OXR1: variants seen among roughly 807,000 people sequenced by gnomAD.
OXR1 encodes the protein oxidation resistance protein 1.
OXR1 carries 41 observed loss-of-function variants against 104.6 expected under a neutral mutation model. That is an observed-to-expected ratio of 0.39 (90% CI 0.31 to 0.51). The LOEUF (loss-of-function observed/expected upper bound fraction) is 0.51. Among genes scored for constraint, OXR1 ranks in the 20% least tolerant of loss-of-function variants. OXR1 has a pLI of 0.77. For missense variants in OXR1, 955 were observed against 1,031.9 expected (o/e 0.93, Z 1.02); for synonymous variants, 348 against 348.4 (o/e 1.00, Z 0.01).
intron 2 of OXR1, among the ~76,000 whole-genome samples, chr8:106,484,538 A>T (rs996542577): frequency 6.6e-6 from 1 of 152,092 alleles, no homozygotes; most frequent in Admixed American, 6.6e-5. Flanking sequence ...TAAATAAAAT[A>T]TACAGATGGC....
At chr8:106,479,120 C>T (rs1257864320) in intron 2 of OXR1, among the ~76,000 whole-genome samples, 3 of 151,906 alleles carry the variant, frequency 2.0e-5, no homozygotes, top group Non-Finnish European at 2.9e-5. Context: ...CAATTCCATC[C>T]TAACTAAATA....
intron 2 of OXR1, among the ~76,000 whole-genome samples, chr8:106,363,684 G>T (rs1339672505): frequency 6.6e-6 from 1 of 152,044 alleles, no homozygotes; most frequent in Non-Finnish European, 1.5e-5. Context: ...ACCTATAGAG[G>T]CTGGTGTATC....
chr8:106,473,644 A>G (rs1484549904), intron 2 of OXR1, among the ~76,000 whole-genome samples: 1 of 151,884 alleles, frequency 6.6e-6, no homozygotes, highest in Non-Finnish European at 1.5e-5. Context: ...ATAGGATGAA[A>G]AAACCCACGT....
intron 2 of OXR1, among the ~76,000 whole-genome samples, chr8:106,458,682 C>T (rs1820741849): frequency 6.6e-6 from 1 of 152,014 alleles, no homozygotes; most frequent in South Asian, 2.1e-4. Context: ...TGGACTGAGC[C>T]CAGCAGTCCC....
intron 2 of OXR1, among the ~76,000 whole-genome samples, chr8:106,444,085 G>GA (rs1447859445): frequency 6.6e-6 from 1 of 152,144 alleles, no homozygotes; most frequent in African/African-American, 2.4e-5. Flanking sequence ...ACAAACGTAT[G>GA]AAAAAAAGCT....
intron 2 of OXR1, among the ~76,000 whole-genome samples, chr8:106,431,099 T>G (rs1044951728): frequency 3.3e-5 from 5 of 152,138 alleles, no homozygotes; most frequent in Non-Finnish European, 5.9e-5. Flanking sequence ...CCAACTATCC[T>G]GAGGCCACCG....
intron 1 of OXR1, among the ~76,000 whole-genome samples, chr8:106,346,912 G>A (rs1030188107): frequency 6.6e-6 from 1 of 152,118 alleles, no homozygotes; most frequent in Non-Finnish European, 1.5e-5. Context: ...GCGTGGTGGC[G>A]GGCACCTGTA....
intron 1 of OXR1, among the ~76,000 whole-genome samples, chr8:106,305,863 C>G (rs1005682150): frequency 3.3e-5 from 5 of 152,072 alleles, no homozygotes; most frequent in African/African-American, 4.8e-5. Context: ...TTTGCTATTT[C>G]TAACTCAAAG....
chr8:106,752,566 G>A lies in OXR1; in HGVS notation c.*1625G>A, dbSNP rs12542906. On this transcript the variant is annotated 3_prime_UTR_variant, in exon 17 of 17. Transcript: ENST00000517566. ...AAATATATCAGTTTTTTTCCCCTTC[G>A]GTCTTCCACAGCAGTATTATTGTCT... 2.6e-4 allele frequency: 40 copies of A among 152,026 alleles called. No individual in the cohort carries two copies. The highest frequency in any genetic ancestry group is 2.2e-3 in the Admixed American group (34 of 15,198). The allele number at this position is 152,026 out of a possible 1,614,324, so 9.4% of individuals were successfully genotyped here.
At chr8:106,715,923 C>T (rs1273704624) in intron 11 of OXR1, among the ~76,000 whole-genome samples, 2 of 152,138 alleles carry the variant, frequency 1.3e-5, no homozygotes, top group African/African-American at 4.8e-5. Context: ...TTTGGAAACT[C>T]CTTGCTACAT....
At chr8:106,472,797 TA>T (rs1821588064) in intron 2 of OXR1, among the ~76,000 whole-genome samples, 1 of 151,860 alleles carries the variant, frequency 6.6e-6, no homozygotes, top group Non-Finnish European at 1.5e-5. Flanking sequence ...TTCTCTTTGT[TA>T]AGCCAGAGTA....
chr8:106,638,360 C>CT (rs1288660020), intron 3 of OXR1, among the ~76,000 whole-genome samples: 1 of 152,120 alleles, frequency 6.6e-6, no homozygotes, highest in Non-Finnish European at 1.5e-5. Context: ...TACTACCCTC[C>CT]TTTTGATACT....
At chr8:106,700,644 C>T (rs1830506412) in intron 7 of OXR1, among the ~76,000 whole-genome samples, 1 of 152,056 alleles carries the variant, frequency 6.6e-6, no homozygotes, top group African/African-American at 2.4e-5. Context: ...TGTATAGTTA[C>T]AGTACTAGGA....
At chr8:106,725,245 G>A (rs151256894) in intron 11 of OXR1, among the ~76,000 whole-genome samples, 1 of 152,160 alleles carries the variant, frequency 6.6e-6, no homozygotes, top group African/African-American at 2.4e-5. Flanking sequence ...GGAATGTGGA[G>A]GAAGGAGATG....
intron 2 of OXR1, among the ~76,000 whole-genome samples, chr8:106,404,311 G>A (rs769755063): frequency 1.3e-5 from 2 of 152,122 alleles, no homozygotes; most frequent in Non-Finnish European, 2.9e-5. Context: ...GGGCCTCAAT[G>A]TCCCCAACTT....
At chr8:106,722,375 A>G (rs1832892174) in intron 11 of OXR1, among the ~76,000 whole-genome samples, 1 of 152,138 alleles carries the variant, frequency 6.6e-6, no homozygotes, top group South Asian at 2.1e-4. Context: ...TAATATTACA[A>G]ATTATAACTC....
Position 106,737,533 on chromosome 8 carries a change from C to T in OXR1, c.1970C>T (p.Ala657Val). 1 of 1,249,786 alleles carries T rather than the reference C, an allele frequency of 8.0e-7. No individual in the cohort carries two copies. The highest frequency in any genetic ancestry group is 1.0e-6 in the Non-Finnish European group (1 of 976,134). The allele number at this position is 1,249,786 out of a possible 1,614,324, so 77.4% of individuals were successfully genotyped here. ...CTCCATATTTAGGTAGTGTCAGTGG[C>T]TGAGTATCACCGCAGGATCGATGCT... ...AAREWEVVSV[A>V]EYHRRIDALN... Residue 657 changes from alanine (A) to valine (V), a missense_variant, in exon 12 of 17, where the codon GCT becomes GTT. Physicochemically the swap from Ala to Val is moderately conservative, Grantham distance 64. This residue lies in a region of OXR1 where 849 missense variants were observed against 852.9 expected (regional missense o/e 1.00). Coordinates refer to ENST00000517566, the MANE Select transcript of OXR1 (RefSeq NM_001198533.2).
chr8:106,375,834 T>C (rs1816885955), intron 2 of OXR1, among the ~76,000 whole-genome samples: 1 of 152,244 alleles, frequency 6.6e-6, no homozygotes, highest in African/African-American at 2.4e-5. Flanking sequence ...AAGGCTATTC[T>C]GTGCCTACCA....
intron 3 of OXR1, among the ~76,000 whole-genome samples, chr8:106,563,608 G>T (rs567901624): frequency 1.2e-4 from 18 of 152,246 alleles, no homozygotes; most frequent in Admixed American, 3.9e-4. Context: ...AGGATGTTCA[G>T]GACTTCAACT....
Sources: gnomAD v4.1 joint callset for allele counts (sites outside exome capture counted in the v4.1 genomes callset) on GRCh38, gnomAD v4.1.1 for gene constraint, gnomAD v4.1.1 regional missense constraint, MANE v1.5 for transcripts, NCBI Gene and HGNC (gene_info 2026-07-23, HGNC 2026-07-21) for gene names.